SAMMSON: variants seen among roughly 807,000 people sequenced by gnomAD.
SAMMSON encodes the protein survival associated mitochondrial melanoma specific oncogenic non-coding RNA.
At chr3:70,359,471 G>A (rs1165073650) in intron 9 of SAMMSON, among the ~76,000 whole-genome samples, 1 of 152,110 alleles carries the variant, frequency 6.6e-6, no homozygotes, top group Non-Finnish European at 1.5e-5. Flanking sequence ...TATATCTAAT[G>A]TTAAATGAGG....
At chr3:70,337,731 C>G (rs967212504) in intron 7 of SAMMSON, among the ~76,000 whole-genome samples, 2 of 151,724 alleles carry the variant, frequency 1.3e-5, no homozygotes, top group Non-Finnish European at 2.9e-5. Context: ...ATATGATTCT[C>G]TAAATGAAAT....
chr3:70,166,621 G>A (rs1228213126), intron 4 of SAMMSON, among the ~76,000 whole-genome samples: 3 of 151,944 alleles, frequency 2.0e-5, no homozygotes, highest in Non-Finnish European at 4.4e-5. Flanking sequence ...TAGAGGTAGA[G>A]GGTGATTTAA....
intron 3 of SAMMSON, among the ~76,000 whole-genome samples, chr3:70,016,554 G>T (rs1284754416): frequency 6.6e-6 from 1 of 151,934 alleles, no homozygotes; most frequent in Non-Finnish European, 1.5e-5. Context: ...CACTCTGATG[G>T]TAGTTTCTTT....
At chr3:70,158,646 A>G (rs1398473521) in intron 4 of SAMMSON, among the ~76,000 whole-genome samples, 4 of 152,026 alleles carry the variant, frequency 2.6e-5, no homozygotes, top group African/African-American at 9.7e-5. Context: ...AGAAATTTAG[A>G]CACATCAAGA....
intron 4 of SAMMSON, among the ~76,000 whole-genome samples, chr3:70,222,350 T>C (rs1701467632): frequency 6.6e-6 from 1 of 152,240 alleles, no homozygotes; most frequent in East Asian, 1.9e-4. Flanking sequence ...TTTTAGCTCA[T>C]TGCTAAGAGC....
At chr3:70,016,448 G>A (rs562101546) in intron 3 of SAMMSON, among the ~76,000 whole-genome samples, 16 of 152,150 alleles carry the variant, frequency 1.1e-4, no homozygotes, top group Non-Finnish European at 2.1e-4. Context: ...TTTTTTTCGT[G>A]TAACTTTGTT....
At chr3:70,250,614 A>G (rs1701756019) in intron 6 of SAMMSON, among the ~76,000 whole-genome samples, 1 of 152,204 alleles carries the variant, frequency 6.6e-6, no homozygotes, top group Non-Finnish European at 1.5e-5. Context: ...AGGTTTGTTC[A>G]GCGAATGTGT....
At chr3:70,110,588 G>A (rs568280139) in intron 4 of SAMMSON, among the ~76,000 whole-genome samples, 18 of 152,148 alleles carry the variant, frequency 1.2e-4, no homozygotes, top group Non-Finnish European at 2.5e-4. Context: ...CTCTCTCCAT[G>A]GTGTGGAATC....
At chr3:70,108,423 CTTTTT>C (rs61561713) in intron 4 of SAMMSON, among the ~76,000 whole-genome samples, 1 of 89,374 alleles carries the variant, frequency 1.1e-5, no homozygotes, top group Non-Finnish European at 2.2e-5. Flanking sequence ...CTTGCGGTTC[CTTTTT>C]TTTTTTTTTT....
intron 2 of SAMMSON, among the ~76,000 whole-genome samples, chr3:70,421,482 A>G (rs2106774578): frequency 6.6e-6 from 1 of 152,274 alleles, no homozygotes; most frequent in East Asian, 1.9e-4. Flanking sequence ...TCATCCATGC[A>G]GGCTTCCAAG....
At chr3:70,353,714 T>C (rs980546127) in intron 7 of SAMMSON, among the ~76,000 whole-genome samples, 3 of 152,198 alleles carry the variant, frequency 2.0e-5, no homozygotes, top group African/African-American at 7.2e-5. Flanking sequence ...CTGGAATTCT[T>C]GGGCATTTAT....
intron 3 of SAMMSON, among the ~76,000 whole-genome samples, chr3:70,045,026 AAT>A (rs1206609619): frequency 5.4e-5 from 7 of 128,838 alleles, no homozygotes; most frequent in African/African-American, 8.9e-5. Context: ...AATTAATTAT[AAT>A]ATATATTATA....
At chr3:70,099,080 A>G (rs2067333358) in intron 4 of SAMMSON, among the ~76,000 whole-genome samples, 3 of 152,128 alleles carry the variant, frequency 2.0e-5, no homozygotes, top group Non-Finnish European at 4.4e-5. Context: ...TTAATGTTTC[A>G]CTGTATGAAT....
intron 4 of SAMMSON, among the ~76,000 whole-genome samples, chr3:70,211,368 TTCCC>T (rs1701344254): frequency 2.7e-4 from 1 of 3,772 alleles, no homozygotes; most frequent in Admixed American, 4.9e-3. Context: ...CCCTTTGCCC[TTCCC>T]TTCCCTTTCC....
chr3:70,270,814 C>T (rs1004773787), intron 6 of SAMMSON, among the ~76,000 whole-genome samples: 7 of 152,058 alleles, frequency 4.6e-5, no homozygotes, highest in South Asian at 2.1e-4. Context: ...AGTTATCACT[C>T]ATAAGTGGGA....
chr3:70,428,502 A>G (rs1414933108), intron 2 of SAMMSON, among the ~76,000 whole-genome samples: 1 of 152,234 alleles, frequency 6.6e-6, no homozygotes. Context: ...GGCAAATGAT[A>G]CTGAAACAAT....
At chr3:70,079,649 A>T (rs1013964970) in intron 4 of SAMMSON, among the ~76,000 whole-genome samples, 14 of 152,206 alleles carry the variant, frequency 9.2e-5, no homozygotes, top group Non-Finnish European at 7.3e-5. Context: ...TTCTGAGCAC[A>T]CTTAAGGTGG....
intron 9 of SAMMSON, among the ~76,000 whole-genome samples, chr3:70,366,462 T>C (rs1702920218): frequency 6.6e-6 from 1 of 150,640 alleles, no homozygotes; most frequent in African/African-American, 2.4e-5. Flanking sequence ...CCATGTCTGT[T>C]TTTTTGTTTT....
chr3:70,220,041 A>G (rs1701448349), intron 4 of SAMMSON, among the ~76,000 whole-genome samples: 1 of 152,132 alleles, frequency 6.6e-6, no homozygotes, highest in African/African-American at 2.4e-5. Context: ...TAAAGAAAAG[A>G]TTTTTCAAGT....
Sources: gnomAD v4.1 joint callset for allele counts (sites outside exome capture counted in the v4.1 genomes callset) on GRCh38, gnomAD v4.1.1 for gene constraint, MANE v1.5 for transcripts, NCBI Gene and HGNC (gene_info 2026-07-23, HGNC 2026-07-21) for gene names.